BCL2L14: variants seen among roughly 807,000 people sequenced by gnomAD.
BCL2L14 encodes apoptosis facilitator Bcl-2-like protein 14.
A neutral mutation model predicts 35.3 loss-of-function variants in BCL2L14; 27 were observed. The ratio of observed to expected loss-of-function variants is 0.76; its 90% CI spans 0.56 to 1.05. The LOEUF (loss-of-function observed/expected upper bound fraction) is 1.05. BCL2L14 is among the 50% of genes least tolerant of loss of function. The pLI is 0.00. For missense variants in BCL2L14, 377 were observed against 382.6 expected (o/e 0.99, Z 0.12); for synonymous variants, 139 against 145.9 (o/e 0.95, Z 0.34).
At chr12:12,070,133 C>A (rs1021280819), upstream of BCL2L14, among the ~76,000 whole-genome samples, 1 of 152,150 alleles carries the variant, frequency 6.6e-6, no homozygotes, top group Admixed American at 6.5e-5. Context: ...TGACATTTGG[C>A]CTTTCAGTGG....
rs544583721 is a variant in BCL2L14, at chr12:12,084,235, G to A, written c.434-2978G>A. ...TGGCCTCCCAAAATGCTGGGATTACGGGCGTGAGCCACCGCACCCAGCCTT... is the reference window on the plus strand; with the variant it reads ...TGGCCTCCCAAAATGCTGGGATTACAGGCGTGAGCCACCGCACCCAGCCTT... On this transcript the variant is annotated intron_variant, in intron 2 of 5. Transcript: ENST00000308721. Among the ~76,000 whole-genome samples, 95 of 152,188 alleles carry A rather than the reference G, an allele frequency of 6.2e-4. 1 individual carries two copies. Among genetic ancestry groups the A allele is most frequent in the African/African-American group, 2.1e-3 (87 of 41,508 alleles).
chr12:12,096,433 G>GAAAAAAA (rs71435889), intron 5 of BCL2L14, among the ~76,000 whole-genome samples: 2 of 102,056 alleles, frequency 2.0e-5, no homozygotes, highest in African/African-American at 7.3e-5. Context: ...CCAAGAATGT[G>GAAAAAAA]AAAAAAAAAA....
intron 1 of BCL2L14, among the ~76,000 whole-genome samples, chr12:12,075,487 G>A (rs1207967882): frequency 4.6e-5 from 7 of 151,330 alleles, no homozygotes; most frequent in Admixed American, 2.0e-4. Context: ...ATGCAATGGC[G>A]TGATCTCGGC....
intron 5 of BCL2L14, among the ~76,000 whole-genome samples, chr12:12,097,684 T>A (rs1476756147): frequency 1.3e-5 from 2 of 152,192 alleles, no homozygotes; most frequent in Non-Finnish European, 2.9e-5. Context: ...AGCATAATTA[T>A]ATTTCAATCA....
chr12:12,070,928 C>T (rs1948659819), upstream of BCL2L14: 1 of 152,152 alleles, frequency 6.6e-6, no homozygotes, highest in South Asian at 2.1e-4. Context: ...AGTGGTTCTC[C>T]TTCTTTAAGC....
chr12:12,080,259 T>A lies in BCL2L14; in HGVS notation c.433+521T>A, dbSNP rs115653574. On this transcript the variant is annotated intron_variant, in intron 2 of 5. Coordinates refer to ENST00000308721, the MANE Select transcript of BCL2L14 (RefSeq NM_138723.2). ...GGAAGTTAAGGGTGCTGGGACTGGTTTTCTTTCTCCACTGTCTATAAATAA... is the reference window on the plus strand; with the variant it reads ...GGAAGTTAAGGGTGCTGGGACTGGTATTCTTTCTCCACTGTCTATAAATAA... Among the ~76,000 whole-genome samples, 571 of 151,868 alleles carry A rather than the reference T, an allele frequency of 3.8e-3. 2 individuals carry two copies. The highest frequency in any genetic ancestry group is 0.013 in the African/African-American group (552 of 41,442).
intron 4 of BCL2L14, 55 bp downstream of exon 4, chr12:12,090,904 C>G (rs764329923): frequency 4.0e-5 from 55 of 1,382,040 alleles, no homozygotes; most frequent in Non-Finnish European, 5.4e-5. Context: ...CACTAGTACA[C>G]GAGAATGGAA....
In BCL2L14 at chr12:12,050,726, G is replaced by T. The variant is rs546229204; in HGVS notation, c.-324+772G>T. Among the ~76,000 whole-genome samples the T allele has an allele frequency of 2.7e-5, 4 of 147,552 alleles. No individual in the cohort carries two copies. In the East Asian group the frequency reaches 6.0e-4, roughly 22 times the overall value. On this transcript the variant is annotated intron_variant, in intron 1 of 3. Coordinates refer to the BCL2L14 transcript ENST00000461264. Reference sequence around the variant, plus strand: ...GGTGTCCAATCTTTTGGCTTCCCTGGGCCACACTGGAAGAAGAATTGTCTT... The same window carrying T: ...GGTGTCCAATCTTTTGGCTTCCCTGTGCCACACTGGAAGAAGAATTGTCTT...
intron 2 of BCL2L14, among the ~76,000 whole-genome samples, chr12:12,082,394 G>T (rs1461042433): frequency 6.6e-6 from 1 of 152,210 alleles, no homozygotes; most frequent in Admixed American, 6.5e-5. Context: ...TCTGGGCTCT[G>T]GGGCAAAGAA....
intron 4 of BCL2L14, 101 bp downstream of exon 4, chr12:12,090,950 G>A (rs1949176676): frequency 1.2e-6 from 1 of 810,318 alleles, no homozygotes; most frequent in Admixed American, 3.2e-5. Context: ...CCCTTTCTAA[G>A]TCCTGGTTTC....
intron 2 of BCL2L14, among the ~76,000 whole-genome samples, chr12:12,057,306 T>C (rs1205637810): frequency 6.6e-6 from 1 of 152,196 alleles, no homozygotes; most frequent in Non-Finnish European, 1.5e-5. Context: ...AATAGCATAA[T>C]CAAAAGCAAA....
At position 12,076,175 on chromosome 12, in the gene BCL2L14, C is replaced by A. The variant is rs1239076161; in HGVS notation, c.-7-3124C>A. Among the ~76,000 whole-genome samples, 4 of 100,556 alleles carry A rather than the reference C, an allele frequency of 4.0e-5. No homozygotes were observed. The East Asian group carries it at 1.1e-3, about 28-fold the overall frequency. The allele number at this position is 100,556 out of a possible 152,430, so 66.0% of individuals were successfully genotyped here. A position where few individuals can be genotyped will look rare whatever the true frequency, so the allele number is the denominator to read the frequency against. The stretch of plus-strand genomic sequence containing the variant: ...AAAATGCATGGGGGAGGGTGGGATG[C>A]CCGGAAAATGCATGGGGGAGGGTGG... On this transcript the variant is annotated intron_variant, in intron 1 of 5. Transcript: ENST00000308721.
At chr12:12,062,537 G>A (rs1948541387) in intron 2 of BCL2L14, among the ~76,000 whole-genome samples, 1 of 151,180 alleles carries the variant, frequency 6.6e-6, no homozygotes, top group Admixed American at 6.6e-5. Flanking sequence ...TACTCCTCAG[G>A]GATTATTCAG....
At chr12:12,077,265 G>A (rs533451758) in intron 1 of BCL2L14, among the ~76,000 whole-genome samples, 1 of 152,282 alleles carries the variant, frequency 6.6e-6, no homozygotes, top group African/African-American at 2.4e-5. Flanking sequence ...CCTGAGGCCG[G>A]GCATGGTAGC....
At chr12:12,067,332 C>T (rs1024739093), upstream of BCL2L14, among the ~76,000 whole-genome samples, 2 of 152,146 alleles carry the variant, frequency 1.3e-5, no homozygotes, top group East Asian at 1.9e-4. Context: ...AGACAAATAT[C>T]TTGAGCTCAG....
At chr12:12,068,281 A>G, upstream of BCL2L14, 1 of 397,748 alleles carries the variant, frequency 2.5e-6, no homozygotes, top group Non-Finnish European at 4.4e-6. Flanking sequence ...TCAGCAACAA[A>G]CATTGTTTAG....
chr12:12,055,990 C>T (rs1948426704), intron 2 of BCL2L14, among the ~76,000 whole-genome samples: 1 of 152,124 alleles, frequency 6.6e-6, no homozygotes, highest in Non-Finnish European at 1.5e-5. Context: ...TTCCTCATCC[C>T]TCATCATCCC....
upstream of BCL2L14, among the ~76,000 whole-genome samples, chr12:12,069,405 G>A (rs1948631566): frequency 6.6e-6 from 1 of 152,030 alleles, no homozygotes; most frequent in Non-Finnish European, 1.5e-5. Flanking sequence ...CCAAAAAAAG[G>A]TTGCAAGTTT....
chr12:12,057,811 T>C (rs10845467), intron 2 of BCL2L14, among the ~76,000 whole-genome samples: 59,510 of 148,744 alleles, frequency 0.4, 12,220 homozygotes, highest in East Asian at 0.68. Context: ...ATCTGAACCA[T>C]GTGAAGAAGA....
Sources: gnomAD v4.1 joint callset for allele counts (sites outside exome capture counted in the v4.1 genomes callset) on GRCh38, gnomAD v4.1.1 for gene constraint, MANE v1.5 for transcripts, NCBI Gene and HGNC (gene_info 2026-07-23, HGNC 2026-07-21) for gene names.